The following AKAP6 variants were observed in gnomAD, a reference collection of about 807,000 sequenced individuals.
AKAP6 encodes the protein A-kinase anchor protein 6.
AKAP6 carries 58 observed loss-of-function variants against 188.5 expected under a neutral mutation model. That is an observed-to-expected ratio of 0.31 (90% CI 0.25 to 0.38). The LOEUF is 0.38. Ranked by LOEUF, AKAP6 falls within the 10% of genes least tolerant of loss-of-function variation. AKAP6 has a pLI of 1.00. For missense variants in AKAP6, 2,710 were observed against 2,740.0 expected, an observed-to-expected ratio of 0.99 and a Z score of 0.24; for synonymous variants, 989 against 998.6, an observed-to-expected ratio of 0.99 and a Z score of 0.18.
At chr14:32,388,128 T>G (rs1395446502) in intron 1 of AKAP6, among the ~76,000 whole-genome samples, 3 of 152,136 alleles carry the variant, frequency 2.0e-5, no homozygotes, top group Non-Finnish European at 4.4e-5. Flanking sequence ...CTAGTTTATG[T>G]GCATAAAGGT....
rs538038687 is a variant in AKAP6 at position 32,773,848 on chromosome 14, C to T, written c.3543C>T (p.Ala1181=). 39 of 1,614,040 alleles carry T rather than the reference C, an allele frequency of 2.4e-5. 1 individual carries two copies. The highest frequency in any genetic ancestry group is 2.3e-4 in the South Asian group (21 of 91,080). ...GGTGGGAAGCCATTGTCATGCAAGC[C>T]GTCCAGTGGCAAACACGTCTACAAA... ...ERRWEAIVMQ[A]VQWQTRLQKK... Residue 1181 remains alanine (A), a synonymous_variant, in exon 12 of 14, where the codon GCC becomes GCT. Transcript: ENST00000280979.
At chr14:32,361,372 G>C (rs572726401) in intron 1 of AKAP6, among the ~76,000 whole-genome samples, 44 of 152,220 alleles carry the variant, frequency 2.9e-4, no homozygotes, top group African/African-American at 9.9e-4. Context: ...TGGGGTTCCA[G>C]GTAGGATGAA....
At chr14:32,572,461 A>G (rs1434838459) in intron 4 of AKAP6, among the ~76,000 whole-genome samples, 1 of 152,196 alleles carries the variant, frequency 6.6e-6, no homozygotes, top group African/African-American at 2.4e-5. Flanking sequence ...GGCCCCATAT[A>G]TGGCACAAGG....
At chr14:32,563,044 A>G (rs1174830741) in intron 4 of AKAP6, among the ~76,000 whole-genome samples, 3 of 152,208 alleles carry the variant, frequency 2.0e-5, no homozygotes, top group Non-Finnish European at 4.4e-5. Context: ...ATGGCTGGGA[A>G]GAACTTCCAA....
intron 2 of AKAP6, 62 bp from the exon 3 acceptor site, chr14:32,535,492 C>T (rs373873291): frequency 1.3e-6 from 2 of 1,547,078 alleles, no homozygotes; most frequent in Non-Finnish European, 1.8e-6. Flanking sequence ...TTTCTACTAC[C>T]CTCACCTCCC....
chr14:32,466,601 G>A (rs1229674898), intron 2 of AKAP6, among the ~76,000 whole-genome samples: 1 of 151,768 alleles, frequency 6.6e-6, no homozygotes, highest in Admixed American at 6.6e-5. Context: ...GGGAGGGAGA[G>A]CATTAGGACC....
At chr14:32,700,156 C>T (rs1004946135) in intron 9 of AKAP6, among the ~76,000 whole-genome samples, 1 of 152,196 alleles carries the variant, frequency 6.6e-6, no homozygotes, top group African/African-American at 2.4e-5. Flanking sequence ...CAGACTGCTG[C>T]TGTTGCTGCT....
In AKAP6 at chr14:32,484,384, AG is replaced by A. The variant is rs1879542787; in HGVS notation, c.324+50570del. On this transcript the variant is annotated intron_variant, in intron 2 of 13. Coordinates refer to ENST00000280979, the MANE Select transcript of AKAP6 (RefSeq NM_004274.5). The stretch of plus-strand genomic sequence containing the variant: ...AGATGGTTAGATCTACGGAAGCTCC[AG>A]GGTGGGAGTAGTTCCCTGCTAAGGG... 3 of 153,744 alleles carry A rather than the reference AG, an allele frequency of 2.0e-5. 1 individual carries two copies. The highest frequency in any genetic ancestry group is 2.8e-5 in the Non-Finnish European group (3 of 105,370). 9.5% of individuals were successfully genotyped at this position (153,744 alleles called of 1,614,324 possible).
intron 2 of AKAP6, among the ~76,000 whole-genome samples, chr14:32,533,010 T>A (rs576633377): frequency 6.6e-6 from 1 of 152,222 alleles, no homozygotes; most frequent in South Asian, 2.1e-4. Context: ...TTTCTGATAT[T>A]GTTACACAGG....
chr14:32,580,918 T>C (rs1403855771), intron 5 of AKAP6, among the ~76,000 whole-genome samples: 2 of 152,160 alleles, frequency 1.3e-5, no homozygotes, highest in Non-Finnish European at 2.9e-5. Context: ...TTCCATGGTG[T>C]ATATGTGCCA....
chr14:32,435,228 G>T (rs1273600390), intron 2 of AKAP6, among the ~76,000 whole-genome samples: 3 of 152,162 alleles, frequency 2.0e-5, no homozygotes, highest in Admixed American at 6.5e-5. Flanking sequence ...TAGATAGGGG[G>T]TTAGGTTTAT....
chr14:32,378,855 G>C (rs757508116), intron 1 of AKAP6, among the ~76,000 whole-genome samples: 1 of 151,514 alleles, frequency 6.6e-6, no homozygotes, highest in Non-Finnish European at 1.5e-5. Context: ...TTATCTAATA[G>C]AGCAATGAGC....
intron 11 of AKAP6, among the ~76,000 whole-genome samples, chr14:32,748,024 T>C (rs537452694): frequency 7.2e-5 from 11 of 152,336 alleles, no homozygotes; most frequent in East Asian, 3.9e-4. Context: ...CATCTTTACT[T>C]ATTGTCTTGA....
chr14:32,734,768 A>G (rs1566675044), intron 10 of AKAP6, among the ~76,000 whole-genome samples: 2 of 152,152 alleles, frequency 1.3e-5, no homozygotes, highest in Admixed American at 1.3e-4. Flanking sequence ...TTTCTGCTAC[A>G]GTCTCCTAAA....
At chr14:32,445,374 T>G (rs2138753391) in intron 2 of AKAP6, among the ~76,000 whole-genome samples, 1 of 151,926 alleles carries the variant, frequency 6.6e-6, no homozygotes, top group Admixed American at 6.6e-5. Flanking sequence ...GGGTTTCCGG[T>G]TCTTTTCTCT....
intron 5 of AKAP6, among the ~76,000 whole-genome samples, chr14:32,579,461 A>C (rs79732609): frequency 0.041 from 6,285 of 152,220 alleles, 175 homozygotes; most frequent in East Asian, 0.1. Flanking sequence ...ACTTTGATCT[A>C]CAGACCTGTT....
intron 7 of AKAP6, among the ~76,000 whole-genome samples, chr14:32,667,849 G>A (rs1365619361): frequency 6.6e-6 from 1 of 152,022 alleles, no homozygotes; most frequent in Non-Finnish European, 1.5e-5. Context: ...CACCATTTAA[G>A]GACAACTATT....
intron 12 of AKAP6, among the ~76,000 whole-genome samples, chr14:32,788,398 C>T (rs560356694): frequency 1.8e-4 from 27 of 152,198 alleles, no homozygotes; most frequent in African/African-American, 5.5e-4. Flanking sequence ...GGTCTGTGGC[C>T]GCGGAACTCA....
intron 2 of AKAP6, among the ~76,000 whole-genome samples, chr14:32,436,427 C>G (rs1890380268): frequency 1.3e-5 from 2 of 152,168 alleles, no homozygotes; most frequent in African/African-American, 4.8e-5. Context: ...CAAAGCATGA[C>G]TCTCCACTCC....
Sources: allele counts gnomAD v4.1 joint callset (sites outside exome capture counted in the v4.1 genomes callset), GRCh38; gene constraint gnomAD v4.1.1; transcripts MANE v1.5; gene names NCBI Gene and HGNC (gene_info 2026-07-23, HGNC 2026-07-21).